TSNARE1: variants seen among roughly 807,000 people sequenced by gnomAD.
TSNARE1 encodes the protein t-SNARE domain-containing protein 1.
TSNARE1 carries 49 observed loss-of-function variants against 62.0 expected under a neutral mutation model. That is an observed-to-expected ratio of 0.79 (90% CI 0.63 to 1.00). The LOEUF (loss-of-function observed/expected upper bound fraction) is 1.00, where lower values mean the gene tolerates loss of function less well. TSNARE1 is among the 50% of genes least tolerant of loss of function. The pLI is 0.00. For missense variants in TSNARE1, 755 were observed against 700.1 expected (o/e 1.08, Z -0.88); for synonymous variants, 328 against 294.4 (o/e 1.11, Z -1.17).
intron 13 of TSNARE1, among the ~76,000 whole-genome samples, chr8:142,225,344 C>A (rs1325708653): frequency 1.3e-5 from 2 of 152,130 alleles, no homozygotes; most frequent in African/African-American, 4.8e-5. Context: ...CCTGCTGGGA[C>A]CTCTCCACTC....
intron 6 of TSNARE1, among the ~76,000 whole-genome samples, chr8:142,328,818 T>TGG (rs766646951): frequency 5.1e-5 from 3 of 58,368 alleles, no homozygotes; most frequent in African/African-American, 1.8e-4. Context: ...GGGAGGCCTT[T>TGG]GGGGGGGGGG....
chr8:142,394,163 C>T (rs746376002), intron 1 of TSNARE1, among the ~76,000 whole-genome samples: 5 of 152,228 alleles, frequency 3.3e-5, no homozygotes, highest in African/African-American at 4.8e-5. Flanking sequence ...CTTATGCCTG[C>T]GGCCTCCAGT....
intron 12 of TSNARE1, among the ~76,000 whole-genome samples, chr8:142,264,225 A>G (rs1025434257): frequency 3.9e-5 from 6 of 152,200 alleles, no homozygotes; most frequent in Non-Finnish European, 8.8e-5. Flanking sequence ...CAAACATACA[A>G]TGACCTTTTT....
At position 142,252,797 on chromosome 8, in the gene TSNARE1, C is replaced by G. The variant is rs147202284; in HGVS notation, c.1446+21984G>C. ...CGTGGTGACCTCAGCCCCGAGCCCCCATCCTGGCTCCCCTGTGGACCTGGC... is the reference window on the plus strand; with the variant it reads ...CGTGGTGACCTCAGCCCCGAGCCCCGATCCTGGCTCCCCTGTGGACCTGGC... On this transcript the variant is annotated intron_variant, in intron 12 of 13. Transcript: ENST00000524325. 5.1e-3 allele frequency among the ~76,000 whole-genome samples: 779 copies of G among 152,322 alleles called. 5 individuals are homozygous for G. The highest frequency in any genetic ancestry group is 0.018 in the African/African-American group (750 of 41,574).
intron 1 of TSNARE1, among the ~76,000 whole-genome samples, chr8:142,381,991 G>A (rs1039989467): frequency 5.3e-5 from 8 of 152,094 alleles, no homozygotes; most frequent in African/African-American, 1.2e-4. Flanking sequence ...CTCCTCTGAC[G>A]GGTACCTGAC....
At position 142,345,044 on chromosome 8, in the gene TSNARE1, G is replaced by A. The variant is rs546868153; in HGVS notation, c.239-572C>T. ...GGGCTGAGGCCGGTGGGGACGTGGTGGCCTGGTCGGCAGCCTCACCCCCCT... is the reference window on the plus strand; with the variant it reads ...GGGCTGAGGCCGGTGGGGACGTGGTAGCCTGGTCGGCAGCCTCACCCCCCT... On this transcript the variant is annotated intron_variant, in intron 3 of 13. Coordinates refer to ENST00000524325, the MANE Select transcript of TSNARE1 (RefSeq NM_145003.5). 3.3e-5 allele frequency among the ~76,000 whole-genome samples: 5 copies of A among 152,316 alleles called. No individual in the cohort carries two copies. In the East Asian group the frequency reaches 9.7e-4, roughly 29 times the overall value.
intron 12 of TSNARE1, among the ~76,000 whole-genome samples, chr8:142,268,138 C>G (rs565803948): frequency 6.6e-6 from 1 of 152,330 alleles, no homozygotes; most frequent in East Asian, 1.9e-4. Flanking sequence ...CCTCTGCCCT[C>G]CCTGCGTGCC....
intron 9 of TSNARE1, among the ~76,000 whole-genome samples, chr8:142,311,400 T>A (rs1178429407): frequency 6.7e-6 from 1 of 148,282 alleles, no homozygotes; most frequent in Non-Finnish European, 1.5e-5. Flanking sequence ...CGGGTTCAAG[T>A]GGTTCTCCTG....
At chr8:142,254,247 A>C (rs1208446395) in intron 12 of TSNARE1, among the ~76,000 whole-genome samples, 1 of 152,160 alleles carries the variant, frequency 6.6e-6, no homozygotes, top group Non-Finnish European at 1.5e-5. Context: ...GGTTTCCAGG[A>C]GTCAGAGGCT....
chr8:142,354,805 T>C (rs753783468), intron 1 of TSNARE1, 42 bp from the exon 2 acceptor site: 1 of 1,212,226 alleles, frequency 8.2e-7, no homozygotes, highest in South Asian at 1.2e-5. Flanking sequence ...GGGGAAGACA[T>C]GGGGATTAAA....
At chr8:142,275,397 G>A (rs1820298189) in intron 11 of TSNARE1, 20 of 985,352 alleles carry the variant, frequency 2.0e-5, no homozygotes, top group South Asian at 4.7e-5. Flanking sequence ...CGGGGATCAC[G>A]GGAGATGGTA....
At chr8:142,234,430 G>A (rs2130119702) in intron 12 of TSNARE1, among the ~76,000 whole-genome samples, 1 of 151,602 alleles carries the variant, frequency 6.6e-6, no homozygotes, top group South Asian at 2.1e-4. Flanking sequence ...ACAACCACGG[G>A]TTCAGGGAAG....
At chr8:142,398,467 C>T (rs1023486995) in intron 1 of TSNARE1, among the ~76,000 whole-genome samples, 1 of 152,048 alleles carries the variant, frequency 6.6e-6, no homozygotes, top group Non-Finnish European at 1.5e-5. Context: ...GAGTCAGCTC[C>T]CCTCTCCACC....
At position 142,311,039 on chromosome 8, in the gene TSNARE1, G is replaced by A. The variant is rs560434651; in HGVS notation, c.1131+3345C>T. ...AAAATTATGTATTTTTAGTAGAGAC[G>A]GGGTTTCACCATGTTGGTCAGGCTG... On this transcript the variant is annotated intron_variant, in intron 9 of 13. Transcript: ENST00000524325. Among the ~76,000 whole-genome samples, 27 of 151,912 alleles carry A rather than the reference G, an allele frequency of 1.8e-4. No individual in the cohort carries two copies. In the East Asian group the frequency reaches 3.5e-3, roughly 20 times the overall value.
rs1183782768 is a variant in TSNARE1, at chr8:142,354,783, C to T, written c.-39-20G>A. The T allele has an allele frequency of 2.8e-6, 4 of 1,429,556 alleles. 1 individual carries two copies. The South Asian group carries it at 3.4e-5, about 12-fold the overall frequency. The allele number at this position is 1,429,556 out of a possible 1,614,324, so 88.6% of individuals were successfully genotyped here. ...ACTGAGCTGGAGGAAACACGAAAAG[C>T]AGGGGGAAGAGGGGGAAGACATGGG... On this transcript the variant is annotated intron_variant, in intron 1 of 13. Transcript: ENST00000524325.
chr8:142,235,473 T>C (rs1225880183), intron 12 of TSNARE1, among the ~76,000 whole-genome samples: 4 of 143,588 alleles, frequency 2.8e-5, no homozygotes, highest in Admixed American at 7.3e-5. Flanking sequence ...CCGCTTCCCA[T>C]GCAAATGCAT....
At chr8:142,313,114 A>C (rs1400923850) in intron 9 of TSNARE1, among the ~76,000 whole-genome samples, 4 of 149,396 alleles carry the variant, frequency 2.7e-5, no homozygotes, top group South Asian at 2.1e-4. Context: ...GTGACTGTTT[A>C]TCCGTGTGTC....
intron 11 of TSNARE1, among the ~76,000 whole-genome samples, chr8:142,283,786 CGGGGCCAGTGTCTGTCAATGAGCGGAGGT>C (rs1822184281): frequency 7.7e-6 from 1 of 129,622 alleles, no homozygotes; most frequent in African/African-American, 2.9e-5. Flanking sequence ...TGAACAGAGG[CGGGGCCAGTGTCTGTCAATGAGCGGAGGT>C]GGGGCCAGTG....
At chr8:142,243,449 A>G (rs1817752978) in intron 12 of TSNARE1, among the ~76,000 whole-genome samples, 1 of 152,092 alleles carries the variant, frequency 6.6e-6, no homozygotes. Context: ...ATTCGTGACA[A>G]CGTGGAGGCA....
Sources: allele counts gnomAD v4.1 joint callset (sites outside exome capture counted in the v4.1 genomes callset), GRCh38; gene constraint gnomAD v4.1.1; transcripts MANE v1.5; gene names NCBI Gene and HGNC (gene_info 2026-07-23, HGNC 2026-07-21).